SPATA7: variants seen among roughly 807,000 people sequenced by gnomAD.
SPATA7 encodes the protein spermatogenesis-associated protein 7.
In SPATA7, 43 loss-of-function variants were observed where a neutral mutation model predicts 51.8. That is an observed-to-expected ratio of 0.83 (90% CI 0.65 to 1.07). The LOEUF is 1.07. SPATA7 is among the 50% of genes least tolerant of loss of function. The pLI, the probability that SPATA7 is intolerant of heterozygous loss-of-function variation, is 0.00. For missense variants in SPATA7, 683 were observed against 701.3 expected, an observed-to-expected ratio of 0.97 and a Z score of 0.30; for synonymous variants, 230 against 252.8, an observed-to-expected ratio of 0.91 and a Z score of 0.86.
chr14:88,410,084 G>A (rs1316955937), intron 4 of SPATA7, among the ~76,000 whole-genome samples: 6 of 152,166 alleles, frequency 3.9e-5, no homozygotes, highest in Non-Finnish European at 7.4e-5. Flanking sequence ...GGGATGGAGA[G>A]TTCTGTAGAT....
At chr14:88,419,455 T>G (rs1336523037) in intron 5 of SPATA7, among the ~76,000 whole-genome samples, 2 of 151,936 alleles carry the variant, frequency 1.3e-5, no homozygotes, top group Admixed American at 6.6e-5. Context: ...TTTTTTTTTT[T>G]TTAATGTCAC....
At chr14:88,443,286 C>T (rs143736553), downstream of SPATA7, among the ~76,000 whole-genome samples, 1,195 of 152,180 alleles carry the variant, frequency 7.9e-3, 13 homozygotes, top group African/African-American at 0.028. Flanking sequence ...AATCTCACTG[C>T]TCGTTATTGG....
intron 4 of SPATA7, among the ~76,000 whole-genome samples, chr14:88,412,615 C>T (rs1417773364): frequency 1.3e-5 from 2 of 152,188 alleles, no homozygotes; most frequent in Non-Finnish European, 2.9e-5. Context: ...TCAGCACCCT[C>T]ACAGATATAC....
At chr14:88,460,864 T>C (rs2077312859) in intron 4 of SPATA7, among the ~76,000 whole-genome samples, 1 of 152,248 alleles carries the variant, frequency 6.6e-6, no homozygotes, top group African/African-American at 2.4e-5. Context: ...TCTTTGATGA[T>C]GGTGACGTAC....
At chr14:88,434,374 TA>T (rs754166065) in intron 10 of SPATA7, among the ~76,000 whole-genome samples, 38 of 152,108 alleles carry the variant, frequency 2.5e-4, no homozygotes, top group Non-Finnish European at 4.6e-4. Flanking sequence ...ATGTTAAAGA[TA>T]TATGTCATTG....
At chr14:88,442,059 G>A (rs1187386223), downstream of SPATA7, among the ~76,000 whole-genome samples, 1 of 152,100 alleles carries the variant, frequency 6.6e-6, no homozygotes, top group Non-Finnish European at 1.5e-5. Context: ...TTCTACACGT[G>A]GCTTACCAAT....
At chr14:88,426,989 A>C (rs2076811917) in intron 6 of SPATA7, among the ~76,000 whole-genome samples, 1 of 152,214 alleles carries the variant, frequency 6.6e-6, no homozygotes, top group African/African-American at 2.4e-5. Flanking sequence ...TTATACTTTC[A>C]GAGAATTCTT....
Position 88,438,269 on chromosome 14 carries a change from GGTT to G in SPATA7, c.1649_1651del (p.Val550del). The G allele has an allele frequency of 1.2e-6, 2 of 1,614,080 alleles. No homozygotes were observed. The highest frequency in any genetic ancestry group is 1.7e-6 in the Non-Finnish European group (2 of 1,179,998). On this transcript the variant is annotated inframe_deletion, in exon 12 of 12. Coordinates refer to ENST00000393545, the MANE Select transcript of SPATA7 (RefSeq NM_018418.5). The stretch of plus-strand genomic sequence containing the variant: ...TTGAAGGTGATAGTGACCCTGAAAA[GGTT>G]GAGATTTCAAATGGATTATGTGGTC...
intron 4 of SPATA7, among the ~76,000 whole-genome samples, chr14:88,398,680 T>A (rs2075969913): frequency 6.6e-6 from 1 of 152,050 alleles, no homozygotes; most frequent in Admixed American, 6.5e-5. Context: ...AAATTTTAAG[T>A]TTAGTGTTTT....
chr14:88,405,007 A>G (rs1172438369), intron 4 of SPATA7, among the ~76,000 whole-genome samples: 1 of 152,220 alleles, frequency 6.6e-6, no homozygotes, highest in Non-Finnish European at 1.5e-5. Flanking sequence ...TGCAATGGAA[A>G]AAAAATGACT....
At position 88,438,289 on chromosome 14, in the gene SPATA7, T is replaced by C. The variant is rs1194765785; in HGVS notation, c.1667T>C (p.Leu556Ser). The part of the protein sequence containing the change: ...DPEKVEISNG[L>S]CGLNTSPSQS... ...GAAAAGGTTGAGATTTCAAATGGAT[T>C]ATGTGGTCTTAACACATCACCCTCC... The change falls in exon 12 of 12, where the codon TTA (leucine) becomes TCA (serine). Residue 556 changes from leucine (L) to serine (S), a missense_variant. Transcript: ENST00000393545. 1 of 1,614,092 alleles carries C rather than the reference T, an allele frequency of 6.2e-7. No individual in the cohort carries two copies. Among genetic ancestry groups the C allele is most frequent in the Non-Finnish European group, 8.5e-7 (1 of 1,179,994 alleles).
chr14:88,388,989 A>G lies in SPATA7; in HGVS notation c.20-2392A>G, dbSNP rs140918638. ...AAGTCACTAAACAAACAAGTGAACAACAATGAAAACAAGCTCAGGAGAGGA... is the reference window on the plus strand; with the variant it reads ...AAGTCACTAAACAAACAAGTGAACAGCAATGAAAACAAGCTCAGGAGAGGA... On this transcript the variant is annotated intron_variant, in intron 1 of 11. Transcript: ENST00000393545. 2.6e-3 allele frequency among the ~76,000 whole-genome samples: 397 copies of G among 152,348 alleles called. 2 individuals carry two copies. The highest frequency in any genetic ancestry group is 9.3e-3 in the African/African-American group (385 of 41,578).
chr14:88,387,625 C>G (rs1260130592), intron 1 of SPATA7, among the ~76,000 whole-genome samples: 1 of 152,118 alleles, frequency 6.6e-6, no homozygotes, highest in African/African-American at 2.4e-5. Context: ...TTTAGACATT[C>G]TTTTGTAAGG....
chr14:88,413,191 GT>G (rs1467457394), intron 4 of SPATA7, among the ~76,000 whole-genome samples: 2 of 152,224 alleles, frequency 1.3e-5, no homozygotes, highest in South Asian at 2.1e-4. Flanking sequence ...AACATGGAAT[GT>G]TTTTCCGTTT....
intron 5 of SPATA7, among the ~76,000 whole-genome samples, chr14:88,417,935 G>A (rs2076531160): frequency 6.6e-6 from 1 of 152,018 alleles, no homozygotes; most frequent in Non-Finnish European, 1.5e-5. Flanking sequence ...AATTGTCTAG[G>A]CCTAAAGTAT....
chr14:88,429,989 G>C (rs1241526426), intron 8 of SPATA7, among the ~76,000 whole-genome samples: 1 of 151,558 alleles, frequency 6.6e-6, no homozygotes, highest in African/African-American at 2.4e-5. Flanking sequence ...CACTGCAATG[G>C]AGGCACTCTT....
At chr14:88,458,711 G>A (rs1171907205), downstream of SPATA7, among the ~76,000 whole-genome samples, 1 of 151,486 alleles carries the variant, frequency 6.6e-6, no homozygotes, top group Non-Finnish European at 1.5e-5. Context: ...AGGGTTTTTT[G>A]TGTATCTCCT....
At chr14:88,457,170 C>T (rs1209527002), downstream of SPATA7, among the ~76,000 whole-genome samples, 1 of 152,132 alleles carries the variant, frequency 6.6e-6, no homozygotes, top group Non-Finnish European at 1.5e-5. Context: ...ATGCCTCCAG[C>T]TTTGTTCTTT....
chr14:88,425,895 G>C, intron 5 of SPATA7, among the ~76,000 whole-genome samples: 1 of 152,096 alleles, frequency 6.6e-6, no homozygotes, highest in Non-Finnish European at 1.5e-5. Context: ...GAAGGGCATT[G>C]GTGCTCACAA....
Sources: allele counts gnomAD v4.1 joint callset (sites outside exome capture counted in the v4.1 genomes callset), GRCh38; gene constraint gnomAD v4.1.1; transcripts MANE v1.5; gene names NCBI Gene and HGNC (gene_info 2026-07-23, HGNC 2026-07-21).